SCYL1: variants seen among roughly 807,000 people sequenced by gnomAD.
SCYL1 encodes the protein SCY1 like pseudokinase 1.
A neutral mutation model predicts 94.8 loss-of-function variants in SCYL1; 85 were observed. The observed-to-expected ratio is 0.90, with a 90% CI of 0.75 to 1.07. The LOEUF (loss-of-function observed/expected upper bound fraction) is 1.07, where lower values mean the gene tolerates loss of function less well. Ranked by LOEUF, SCYL1 falls within the 50% of genes least tolerant of loss-of-function variation. The pLI is 0.00. For synonymous variants in SCYL1, 459 were observed against 435.5 expected, an observed-to-expected ratio of 1.05 and a Z score of -0.67; for missense variants, 968 against 1,083.3, an observed-to-expected ratio of 0.89 and a Z score of 1.49.
chr11:65,535,329 C>T lies in SCYL1; in HGVS notation c.1333C>T (p.Arg445Cys), dbSNP rs770464210. 9.3e-6 allele frequency: 15 copies of T among 1,614,254 alleles called. No homozygotes were observed. Among genetic ancestry groups the T allele is most frequent in the Non-Finnish European group, 1.2e-5 (14 of 1,180,040 alleles). ...GGCCAAGGATGAACAGGGCCCCATC[C>T]GCTGCAACACCACAGTCTGCCTGGG... ...LQAKDEQGPI[R>C]CNTTVCLGKI... The change falls in exon 10 of 18, where the codon CGC becomes TGC. Residue 445 changes from arginine (R) to cysteine (C), a missense_variant. By Grantham distance (180) the Arg-to-Cys change is radical. This residue lies in a region of SCYL1 where 494 missense variants were observed against 619.7 expected (regional missense o/e 0.80). Coordinates refer to ENST00000270176, the MANE Select transcript of SCYL1 (RefSeq NM_020680.4).
At chr11:65,533,775 A>C (rs1855510542) in intron 9 of SCYL1, among the ~76,000 whole-genome samples, 1 of 148,188 alleles carries the variant, frequency 6.7e-6, no homozygotes, top group Admixed American at 6.7e-5. Context: ...GTGAGACCTC[A>C]TCTCAAAATT....
Position 65,536,698 on chromosome 11 carries a change from C to T in SCYL1, c.1764C>T (p.His588=). The change falls in exon 13 of 18, where the codon CAC becomes CAT. Residue 588 remains histidine (H), a synonymous_variant. Transcript: ENST00000270176. ...SSLTSKLIRS[H]PTTAPTETNI... ...TCACCTCCAAGCTGATCCGTTCGCA[C>T]CCAACCACTGCCCCAACAGAAACCA... The T allele has an allele frequency of 6.2e-7, 1 of 1,612,598 alleles. No individual in the cohort carries two copies. The highest frequency in any genetic ancestry group is 1.1e-5 in the South Asian group (1 of 91,044).
rs1430617569 is a variant in SCYL1 at position 65,526,785 on chromosome 11, C to T, written c.605C>T (p.Ser202Leu). The change falls in exon 5 of 18, where the codon TCA (serine) becomes TTA (leucine). Residue 202 changes from serine (S) to leucine (L), a missense_variant and splice_region_variant. Transcript: ENST00000270176. This position sits in a 1 kb window ranked among gnomAD's most constrained non-coding sequence, Gnocchi z 4.1. ...SSGRVVREKW[S>L]ADMWRLGCLI... Reference sequence around the variant, plus strand: ...AGAGCTCTGGGTCACTGCCACAGGTCAGCAGACATGTGGCGCTTGGGCTGC... The same window carrying T: ...AGAGCTCTGGGTCACTGCCACAGGTTAGCAGACATGTGGCGCTTGGGCTGC... 6.2e-7 allele frequency: 1 copy of T among 1,612,204 alleles called. No homozygotes were observed. The highest frequency in any genetic ancestry group is 8.5e-7 in the Non-Finnish European group (1 of 1,179,684).
rs202237287 is a variant in SCYL1 at position 65,526,926 on chromosome 11, G to A, written c.694-36G>A. ...CCTGCCTCAGCCCCTCTGCCAGCTG[G>A]CTACCCCTGCCCTGACACTGACCCC... On this transcript the variant is annotated intron_variant, in intron 5 of 17. Coordinates refer to ENST00000270176, the MANE Select transcript of SCYL1 (RefSeq NM_020680.4). The surrounding 1 kb of genome is among the most constrained non-coding windows in gnomAD (Gnocchi z 4.1). The A allele has an allele frequency of 2.1e-4, 337 of 1,609,936 alleles. No individual in the cohort carries two copies. Among genetic ancestry groups the A allele is most frequent in the Non-Finnish European group, 2.6e-4 (306 of 1,177,306 alleles).
chr11:65,533,789 G>C (rs1417102565), intron 9 of SCYL1, among the ~76,000 whole-genome samples: 2 of 148,366 alleles, frequency 1.3e-5, no homozygotes, highest in African/African-American at 5.0e-5. Context: ...CAAAATTTAA[G>C]AAATTATTTT....
At chr11:65,525,775 T>C in intron 2 of SCYL1, 61 bp downstream of exon 2, 1 of 1,600,044 alleles carries the variant, frequency 6.2e-7, no homozygotes. Flanking sequence ...CCCACTCCTG[T>C]CTCCCCTCCT....
intron 12 of SCYL1, 57 bp from the exon 13 acceptor site, chr11:65,536,529 G>C: frequency 6.3e-7 from 1 of 1,588,458 alleles, no homozygotes; most frequent in East Asian, 2.3e-5. Context: ...CTGCTGTCCT[G>C]TCACCCATGG....
At position 65,537,835 on chromosome 11, in the gene SCYL1, G is replaced by A; in HGVS notation, c.1986G>A (p.Gln662=). ...AGGAGGCCGAGTCTGTGCTGGCCCA[G>A]CAGGACGACTGGAGCACCGGGGGCC... ...LEQEAESVLA[Q]QDDWSTGGQV... Residue 662 remains glutamine, a synonymous_variant, in exon 15 of 18, where the codon CAG becomes CAA. Coordinates refer to ENST00000270176, the MANE Select transcript of SCYL1 (RefSeq NM_020680.4). The A allele has an allele frequency of 1.3e-6, 2 of 1,571,622 alleles. No homozygotes were observed. Among genetic ancestry groups the A allele is most frequent in the Non-Finnish European group, 1.7e-6 (2 of 1,157,936 alleles).
In SCYL1 at chr11:65,526,130, C is replaced by G; in HGVS notation, c.382C>G (p.Leu128Val). ...TGGCTCCTTTTGCCCCCAGAAAGCCCTCAGCTTCCTGGTCAACGACTGCAG... is the reference window on the plus strand; with the variant it reads ...TGGCTCCTTTTGCCCCCAGAAAGCCGTCAGCTTCCTGGTCAACGACTGCAG... ...SWGLHQIVKA[L>V]SFLVNDCSLI... The change falls in exon 4 of 18, where the codon CTC (leucine) becomes GTC (valine). Residue 128 changes from leucine (L) to valine (V), a missense_variant. Leu to Val is a conservative substitution (Grantham distance 32). Around this residue, in one of 2 missense-constraint regions of SCYL1, gnomAD observed 494 missense variants for 619.7 expected, o/e 0.80. Transcript: ENST00000270176. The surrounding 1 kb of genome is among the most constrained non-coding windows in gnomAD (Gnocchi z 4.1). 1 of 1,613,004 alleles carries G rather than the reference C, an allele frequency of 6.2e-7. No individual in the cohort carries two copies. The highest frequency in any genetic ancestry group is 2.2e-5 in the East Asian group (1 of 44,878).
chr11:65,538,345 G>T (rs1855824975), intron 17 of SCYL1, 21 bp downstream of exon 17: 1 of 1,543,392 alleles, frequency 6.5e-7, no homozygotes, highest in Admixed American at 2.0e-5. Context: ...CCCCTGGGTG[G>T]GCTGAAGACT....
intron 9 of SCYL1, 191 bp downstream of exon 9, chr11:65,532,996 A>G: frequency 1.7e-6 from 1 of 575,492 alleles, no homozygotes; most frequent in Admixed American, 2.8e-5. Context: ...GACAACGAGC[A>G]TCTGCCTGTT....
intron 12 of SCYL1, 108 bp from the exon 13 acceptor site, chr11:65,536,478 G>A: frequency 1.4e-6 from 2 of 1,444,960 alleles, no homozygotes; most frequent in Non-Finnish European, 1.9e-6. Flanking sequence ...GAGAAATCAG[G>A]CCTGGAGAAA....
At position 65,525,901 on chromosome 11, in the gene SCYL1, C is replaced by A; in HGVS notation, c.253-20C>A. On this transcript the variant is annotated intron_variant, in intron 2 of 17. Transcript: ENST00000270176. Reference sequence around the variant, plus strand: ...CTCTCTGCCCCTCCGCCCTTGATAACCCTGTGTCCCCTTCCCCAGACAGAA... The same window carrying A: ...CTCTCTGCCCCTCCGCCCTTGATAAACCTGTGTCCCCTTCCCCAGACAGAA... 6.2e-7 allele frequency: 1 copy of A among 1,610,492 alleles called. No individual in the cohort carries two copies. The highest frequency in any genetic ancestry group is 8.5e-7 in the Non-Finnish European group (1 of 1,178,360).
intron 7 of SCYL1, among the ~76,000 whole-genome samples, chr11:65,531,003 A>G (rs1855335434): frequency 1.3e-5 from 2 of 152,038 alleles, no homozygotes; most frequent in South Asian, 4.2e-4. Flanking sequence ...TGGCTTCACA[A>G]CCCTCAGCCC....
rs1207232282 is a variant in SCYL1, at chr11:65,535,296, C to T, written c.1300C>T (p.Arg434Trp). 9.3e-6 allele frequency: 15 copies of T among 1,614,138 alleles called. 1 individual carries two copies. Among genetic ancestry groups the T allele is most frequent in the Non-Finnish European group, 1.1e-5 (13 of 1,180,044 alleles). The change falls in exon 10 of 18, where the codon CGG becomes TGG. Residue 434 changes from arginine to tryptophan, a missense_variant. Arg to Trp is a moderately radical substitution (Grantham distance 101, BLOSUM62 -3). Transcript: ENST00000270176. ...LNVELMKHFA[R>W]LQAKDEQGPI... is the part of the protein sequence containing the mutation. ...TGTGGAGCTGATGAAGCACTTTGCA[C>T]GGCTACAGGCCAAGGATGAACAGGG...
intron 14 of SCYL1, 28 bp downstream of exon 14, chr11:65,537,156 G>C: frequency 6.2e-7 from 1 of 1,612,856 alleles, no homozygotes; most frequent in Non-Finnish European, 8.5e-7. Context: ...AGCCTCCCCA[G>C]GGGACCCCAG....
rs748295424 is a variant in SCYL1, at chr11:65,538,652, G to C, written c.*86G>C. The C allele has an allele frequency of 6.9e-6, 10 of 1,454,680 alleles. No individual in the cohort carries two copies. Among genetic ancestry groups the C allele is most frequent in the Admixed American group, 2.1e-5 (1 of 47,092 alleles). The allele number at this position is 1,454,680 out of a possible 1,614,324, so 90.1% of individuals were successfully genotyped here. A position where few individuals can be genotyped will look rare whatever the true frequency, so the allele number is the denominator to read the frequency against. The stretch of plus-strand genomic sequence containing the variant: ...AAACCATGTGAGCCCGGCCGGCCCA[G>C]CCAGGCCATCTCACGTGTACATAAT... On this transcript the variant is annotated 3_prime_UTR_variant, in exon 18 of 18. Transcript: ENST00000270176.
At chr11:65,538,419 G>C (rs781250002) in intron 17 of SCYL1, 23 bp from the exon 18 acceptor site, 7 of 1,543,062 alleles carry the variant, frequency 4.5e-6, no homozygotes, top group African/African-American at 1.4e-5. Context: ...AGCTGAGACC[G>C]GGGCTCCCCT....
intron 7 of SCYL1, 121 bp downstream of exon 7, chr11:65,530,908 G>A: frequency 1.8e-6 from 2 of 1,109,850 alleles, no homozygotes; most frequent in South Asian, 1.6e-5. Flanking sequence ...GGAGCTTCCT[G>A]CCAGTGTCTA....
Sources: allele counts gnomAD v4.1 joint callset (sites outside exome capture counted in the v4.1 genomes callset), GRCh38; gene constraint gnomAD v4.1.1; regional missense constraint gnomAD v4.1.1; non-coding constraint Gnocchi (gnomAD v3.1); transcripts MANE v1.5; gene names NCBI Gene and HGNC (gene_info 2026-07-23, HGNC 2026-07-21).